TRIM9: variants seen among roughly 807,000 people sequenced by gnomAD.
TRIM9 encodes the protein tripartite motif containing 9.
A neutral mutation model predicts 78.3 loss-of-function variants in TRIM9; 26 were observed. That is an observed-to-expected ratio of 0.33 (90% CI 0.24 to 0.46). TRIM9 has a LOEUF of 0.46. TRIM9 is among the 20% of genes least tolerant of loss of function. TRIM9 has a pLI of 1.00. For synonymous variants in TRIM9, 398 were observed against 416.5 expected, an observed-to-expected ratio of 0.96 and a Z score of 0.54; for missense variants, 787 against 1,036.4, an observed-to-expected ratio of 0.76 and a Z score of 3.30.
intron 8 of TRIM9, among the ~76,000 whole-genome samples, chr14:50,984,055 T>C (rs2052367201): frequency 6.6e-6 from 1 of 152,194 alleles, no homozygotes; most frequent in Admixed American, 6.5e-5. Flanking sequence ...TGGAATCCCC[T>C]GTGGAACTTT....
At chr14:51,024,949 A>T (rs1419382154) in intron 2 of TRIM9, among the ~76,000 whole-genome samples, 1 of 152,228 alleles carries the variant, frequency 6.6e-6, no homozygotes, top group African/African-American at 2.4e-5. Flanking sequence ...CAAGCTCAAC[A>T]ATAAGGACCC....
Position 51,086,099 on chromosome 14 carries a change from G to A in TRIM9, c.822+8019C>T, listed in dbSNP as rs778038532. On this transcript the variant is annotated intron_variant, in intron 1 of 12. Coordinates refer to ENST00000684578, the MANE Select transcript of TRIM9 (RefSeq NM_001387360.1). Reference sequence around the variant, plus strand: ...CAATTTCTCAGTAATTTTCATATACGAGAACTAAAGGAGTCCAGCTATTTG... The same window carrying A: ...CAATTTCTCAGTAATTTTCATATACAAGAACTAAAGGAGTCCAGCTATTTG... Among the ~76,000 whole-genome samples the A allele has an allele frequency of 5.9e-5, 9 of 152,276 alleles. No individual in the cohort carries two copies. The South Asian group carries it at 1.2e-3, about 21-fold the overall frequency.
chr14:51,089,256 T>G (rs1596337099), intron 1 of TRIM9: 1 of 152,344 alleles, frequency 6.6e-6, no homozygotes, highest in East Asian at 1.9e-4. Context: ...ACAAATGATA[T>G]TTATTTATAA....
intron 3 of TRIM9, among the ~76,000 whole-genome samples, chr14:51,021,638 A>G (rs1037040658): frequency 6.6e-6 from 1 of 152,190 alleles, no homozygotes; most frequent in Non-Finnish European, 1.5e-5. Flanking sequence ...TGCCATATCA[A>G]CACTGCACAC....
At chr14:51,086,084 G>T (rs558313298) in intron 1 of TRIM9, among the ~76,000 whole-genome samples, 1 of 152,168 alleles carries the variant, frequency 6.6e-6, no homozygotes, top group Non-Finnish European at 1.5e-5. Flanking sequence ...CAATTTCTCA[G>T]TAATTTTCAT....
intron 1 of TRIM9, among the ~76,000 whole-genome samples, chr14:51,076,784 C>G (rs145467626): frequency 1.3e-5 from 2 of 152,320 alleles, no homozygotes; most frequent in East Asian, 3.9e-4. Flanking sequence ...ACAGAGAGGT[C>G]AAATAACTAA....
chr14:51,022,696 C>T, intron 3 of TRIM9, 139 bp downstream of exon 3: 1 of 1,328,322 alleles, frequency 7.5e-7, no homozygotes, highest in South Asian at 1.5e-5. Context: ...CTGTTCCTTT[C>T]TGGCCAGACC....
chr14:51,069,519 C>T (rs2062031980), intron 1 of TRIM9, among the ~76,000 whole-genome samples: 1 of 152,194 alleles, frequency 6.6e-6, no homozygotes, highest in Non-Finnish European at 1.5e-5. Flanking sequence ...GATTGAGAAA[C>T]CCTGCTCTAG....
chr14:51,076,095 A>C (rs2062757964), intron 1 of TRIM9, among the ~76,000 whole-genome samples: 1 of 152,212 alleles, frequency 6.6e-6, no homozygotes, highest in Non-Finnish European at 1.5e-5. Flanking sequence ...TTCAAAGACA[A>C]TCTCATTGAT....
chr14:50,986,122 GGTCT>G lies in TRIM9; in HGVS notation c.1622_1625del (p.Gln541ProfsTer16). The G allele has an allele frequency of 6.5e-7, 1 of 1,532,932 alleles. No homozygotes were observed. Among genetic ancestry groups the G allele is most frequent in the Middle Eastern group, 1.7e-4 (1 of 5,894 alleles). 95.0% of individuals were successfully genotyped at this position (1,532,932 alleles called of 1,614,324 possible). A position where few individuals can be genotyped will look rare whatever the true frequency, so the allele number is the denominator to read the frequency against. On this transcript the variant is annotated frameshift_variant, in exon 8 of 13. Coordinates refer to ENST00000684578, the MANE Select transcript of TRIM9 (RefSeq NM_001387360.1). LOFTEE classifies it high-confidence loss of function. ...TTTCCGAAGGCACTGGAAAAGGGAG[GGTCT>G]GTTCTTCTGAATCTGTGTCTAAATG...
chr14:51,081,092 T>C (rs2063268181), intron 1 of TRIM9, among the ~76,000 whole-genome samples: 1 of 152,168 alleles, frequency 6.6e-6, no homozygotes, highest in Non-Finnish European at 1.5e-5. Flanking sequence ...CTCACACCTA[T>C]GTCTCTTCCA....
intron 1 of TRIM9, among the ~76,000 whole-genome samples, chr14:51,031,032 C>T (rs900640391): frequency 6.6e-6 from 1 of 150,580 alleles, no homozygotes; most frequent in Non-Finnish European, 1.5e-5. Context: ...CCTGTAACTC[C>T]AGCTATTCAG....
At chr14:51,040,504 C>T (rs12147541) in intron 1 of TRIM9, among the ~76,000 whole-genome samples, 43,792 of 152,100 alleles carry the variant, frequency 0.29, 7,448 homozygotes, top group South Asian at 0.53. Flanking sequence ...GTGGCAATTC[C>T]TCAGAGGGAT....
At position 50,998,097 on chromosome 14, in the gene TRIM9, G is replaced by C; in HGVS notation, c.1556C>G (p.Thr519Arg). The change falls in exon 7 of 13, where the codon ACA (threonine) becomes AGA (arginine). Residue 519 changes from threonine to arginine, a missense_variant. Around this residue, in one of 3 missense-constraint regions of TRIM9, gnomAD observed 421 missense variants for 514.3 expected, o/e 0.82. Coordinates refer to ENST00000684578, the MANE Select transcript of TRIM9 (RefSeq NM_001387360.1). ...GGTCTTGCTGTACGGGCTGACTCCT[G>C]TTTTGTTGAAGGCCTTGACCCGAGC... is the stretch of plus-strand genomic sequence containing the variant. ...YNARVKAFNK[T>R]GVSPYSKTLV... 1.2e-6 allele frequency: 2 copies of C among 1,614,212 alleles called. No individual in the cohort carries two copies. Among genetic ancestry groups the C allele is most frequent in the Non-Finnish European group, 1.7e-6 (2 of 1,180,026 alleles).
Position 50,976,332 on chromosome 14 carries a change from T to C in TRIM9, c.*959A>G, listed in dbSNP as rs1465796102. 2 of 152,328 alleles carry C rather than the reference T, an allele frequency of 1.3e-5. No homozygotes were observed. The highest frequency in any genetic ancestry group is 2.4e-5 in the African/African-American group (1 of 41,462). 9.4% of individuals were successfully genotyped at this position (152,328 alleles called of 1,614,324 possible). On this transcript the variant is annotated 3_prime_UTR_variant, in exon 13 of 13. Coordinates refer to ENST00000684578, the MANE Select transcript of TRIM9 (RefSeq NM_001387360.1). Reference sequence around the variant, plus strand: ...ATCATTCTAGGAAGCCTGAAAGATCTTGCCCATGAGTCTCTTTGACCCTTG... The same window carrying C: ...ATCATTCTAGGAAGCCTGAAAGATCCTGCCCATGAGTCTCTTTGACCCTTG...
At chr14:51,038,689 T>G (rs2059354745) in intron 1 of TRIM9, among the ~76,000 whole-genome samples, 1 of 152,266 alleles carries the variant, frequency 6.6e-6, no homozygotes, top group South Asian at 2.1e-4. Context: ...GTAAAGCATC[T>G]GACCACCTGA....
At chr14:50,997,315 A>G (rs1219082452) in intron 7 of TRIM9, 2 of 985,276 alleles carry the variant, frequency 2.0e-6, no homozygotes, top group African/African-American at 3.5e-5. Flanking sequence ...TATTTAAAGT[A>G]TAGCTAAGAA....
In TRIM9 at chr14:50,976,456, T is replaced by C. The variant is rs560448261; in HGVS notation, c.*835A>G. On this transcript the variant is annotated 3_prime_UTR_variant, in exon 13 of 13. Coordinates refer to ENST00000684578, the MANE Select transcript of TRIM9 (RefSeq NM_001387360.1). ...CTCCGAAGGGCAGAGACCATGCCTGTCTGTTCACCACTGTGTCCCCACAGT... is the reference window on the plus strand; with the variant it reads ...CTCCGAAGGGCAGAGACCATGCCTGCCTGTTCACCACTGTGTCCCCACAGT... 2 of 152,252 alleles carry C rather than the reference T, an allele frequency of 1.3e-5. No individual in the cohort carries two copies. Among genetic ancestry groups the C allele is most frequent in the Non-Finnish European group, 2.9e-5 (2 of 68,042 alleles). 9.4% of individuals were successfully genotyped at this position (152,252 alleles called of 1,614,324 possible).
intron 1 of TRIM9, among the ~76,000 whole-genome samples, chr14:51,049,423 G>A (rs375683259): frequency 1.3e-5 from 2 of 152,122 alleles, no homozygotes; most frequent in African/African-American, 2.4e-5. Flanking sequence ...TCTACTACAG[G>A]GCTGCCACGA....
Sources: allele counts gnomAD v4.1 joint callset (sites outside exome capture counted in the v4.1 genomes callset), GRCh38; gene constraint gnomAD v4.1.1; regional missense constraint gnomAD v4.1.1; transcripts MANE v1.5; gene names NCBI Gene and HGNC (gene_info 2026-07-23, HGNC 2026-07-21).